RMDN2: variants seen among roughly 807,000 people sequenced by gnomAD.
The protein encoded by RMDN2 is regulator of microtubule dynamics 2.
A neutral mutation model predicts 52.8 loss-of-function variants in RMDN2; 61 were observed. The observed-to-expected ratio is 1.16, with a 90% CI of 0.94 to 1.43. RMDN2 has a LOEUF of 1.43. Among genes scored for constraint, RMDN2 ranks in the 40% most tolerant of loss-of-function variants. The probability of loss-of-function intolerance (pLI) is 0.00; values close to 1 mark genes in which losing one functional copy is unlikely to be tolerated. For synonymous variants in RMDN2, 180 were observed against 153.1 expected (o/e 1.18, Z -1.30); for missense variants, 592 against 475.3 (o/e 1.25, Z -2.28).
intron 10 of RMDN2, among the ~76,000 whole-genome samples, chr2:38,009,755 A>G (rs1677675027): frequency 6.6e-6 from 1 of 151,992 alleles, no homozygotes; most frequent in Admixed American, 6.6e-5. Flanking sequence ...GCTGGTGAGG[A>G]GCTGCATTCC....
Position 37,995,322 on chromosome 2 carries a change from GACTACTACT to G in RMDN2, c.946-2058_946-2050del, listed in dbSNP as rs3056282. ...ATATACCCCCTGAAGAAGAGGGGAT[GACTACTACT>G]ACTACTACTACTACTACTACTACTA... is the stretch of plus-strand genomic sequence containing the variant. On this transcript the variant is annotated intron_variant, in intron 7 of 10. Transcript: ENST00000354545. Among the ~76,000 whole-genome samples, 214 of 147,214 alleles carry G rather than the reference GACTACTACT, an allele frequency of 1.5e-3. 2 individuals are homozygous for G. The East Asian group carries it at 0.026, about 18-fold the overall frequency.
chr2:37,945,555 T>C (rs1200092624), intron 2 of RMDN2, among the ~76,000 whole-genome samples: 1 of 152,174 alleles, frequency 6.6e-6, no homozygotes, highest in Non-Finnish European at 1.5e-5. Flanking sequence ...TACAAGTCTC[T>C]AATGCCTAGT....
chr2:37,961,621 C>T (rs749085097), intron 2 of RMDN2, among the ~76,000 whole-genome samples: 29 of 152,020 alleles, frequency 1.9e-4, no homozygotes, highest in Non-Finnish European at 4.4e-5. Context: ...AGCTTCCTTG[C>T]ATTGGGTTAG....
chr2:38,018,124 C>T (rs949194330), downstream of RMDN2, among the ~76,000 whole-genome samples: 3 of 152,176 alleles, frequency 2.0e-5, no homozygotes, highest in African/African-American at 7.2e-5. Context: ...TCTTCACTTG[C>T]TTGGGGCCAC....
In RMDN2 at chr2:37,997,436, T is replaced by A; in HGVS notation, c.966T>A (p.Ile322=). 6.2e-7 allele frequency: 1 copy of A among 1,613,292 alleles called. No homozygotes were observed. Among genetic ancestry groups the A allele is most frequent in the Non-Finnish European group, 8.5e-7 (1 of 1,179,334 alleles). ...YCYTVSKLSW[I]EKKMAATLFG... is the part of the protein sequence containing the mutation. ...TGCAGGTCTCAAAACTGAGCTGGATTGAGAAAAAAATGGCTGCTACTCTGT... is the reference window on the plus strand; with the variant it reads ...TGCAGGTCTCAAAACTGAGCTGGATAGAGAAAAAAATGGCTGCTACTCTGT... Residue 322 remains isoleucine (I), a synonymous_variant, in exon 8 of 11, where the codon ATT becomes ATA. Coordinates refer to ENST00000354545, the MANE Select transcript of RMDN2 (RefSeq NM_001170791.3).
At chr2:37,961,974 C>T (rs1313781302) in intron 2 of RMDN2, among the ~76,000 whole-genome samples, 3 of 152,206 alleles carry the variant, frequency 2.0e-5, no homozygotes, top group African/African-American at 7.2e-5. Context: ...CTGGAGTTTG[C>T]TGGGAGTCCA....
At chr2:37,986,288 A>G (rs1038528068) in intron 5 of RMDN2, among the ~76,000 whole-genome samples, 1 of 152,202 alleles carries the variant, frequency 6.6e-6, no homozygotes, top group Non-Finnish European at 1.5e-5. Flanking sequence ...GCCTACTTCT[A>G]TTGAAAAAAT....
At chr2:37,965,047 C>T (rs897613788) in intron 2 of RMDN2, among the ~76,000 whole-genome samples, 1 of 152,050 alleles carries the variant, frequency 6.6e-6, no homozygotes, top group African/African-American at 2.4e-5. Context: ...TAGCCACTCC[C>T]ACTCTCTTTT....
intron 2 of RMDN2, among the ~76,000 whole-genome samples, chr2:37,943,884 C>G (rs928481929): frequency 1.3e-5 from 2 of 152,044 alleles, no homozygotes; most frequent in African/African-American, 2.4e-5. Context: ...CTCCCCATAT[C>G]TTTGCTCTGC....
At chr2:37,993,910 C>A (rs1675162706) in intron 7 of RMDN2, among the ~76,000 whole-genome samples, 1 of 152,176 alleles carries the variant, frequency 6.6e-6, no homozygotes, top group Non-Finnish European at 1.5e-5. Flanking sequence ...CCCAACCTCA[C>A]AAGTGTCTGG....
intron 2 of RMDN2, among the ~76,000 whole-genome samples, chr2:37,938,407 C>T: frequency 6.6e-6 from 1 of 152,196 alleles, no homozygotes; most frequent in East Asian, 1.9e-4. Flanking sequence ...ATGCTGGCCT[C>T]ATAAAATGAG....
chr2:37,967,254 AAGT>A (rs1671179335), intron 2 of RMDN2, among the ~76,000 whole-genome samples: 1 of 152,220 alleles, frequency 6.6e-6, no homozygotes, highest in Non-Finnish European at 1.5e-5. Context: ...TAAAAAATTA[AAGT>A]TAAACAAACT....
intron 8 of RMDN2, among the ~76,000 whole-genome samples, chr2:38,002,109 G>A (rs921519481): frequency 6.6e-6 from 1 of 152,048 alleles, no homozygotes; most frequent in East Asian, 1.9e-4. Flanking sequence ...CTTCTCTTTT[G>A]GATTCTGTAC....
chr2:37,997,520 T>C lies in RMDN2; in HGVS notation c.1044+6T>C. On this transcript the variant is annotated splice_donor_region_variant and intron_variant, in intron 8 of 10. Transcript: ENST00000354545. ...CTTTACACAATTTCCTTAAGGTACA[T>C]TTTGTGTATCCATTATTTTAGTGTC... The C allele has an allele frequency of 6.4e-7, 1 of 1,559,170 alleles. No individual in the cohort carries two copies. Among genetic ancestry groups the C allele is most frequent in the Non-Finnish European group, 8.8e-7 (1 of 1,130,288 alleles).
At chr2:37,991,144 T>C in intron 6 of RMDN2, 76 bp from the exon 7 acceptor site, 1 of 664,896 alleles carries the variant, frequency 1.5e-6, no homozygotes, top group Non-Finnish European at 2.5e-6. Flanking sequence ...ACTTTTGAGT[T>C]ACTAGGCTTT....
intron 3 of RMDN2, among the ~76,000 whole-genome samples, 173 bp downstream of exon 3, chr2:37,974,387 C>A (rs1572887360): frequency 6.6e-6 from 1 of 151,250 alleles, no homozygotes; most frequent in Non-Finnish European, 1.5e-5. Flanking sequence ...ATTTAAGATG[C>A]ATAAAATTTT....
At chr2:38,045,723 G>A (rs925734972) in intron 10 of RMDN2, among the ~76,000 whole-genome samples, 1 of 152,160 alleles carries the variant, frequency 6.6e-6, no homozygotes, top group African/African-American at 2.4e-5. Flanking sequence ...TTTGCCTGGA[G>A]CTGCTCCCAG....
intron 7 of RMDN2, among the ~76,000 whole-genome samples, chr2:37,995,366 C>T (rs1042106154): frequency 7.1e-6 from 1 of 141,690 alleles, no homozygotes; most frequent in Non-Finnish European, 1.5e-5. Flanking sequence ...ACTACTACTA[C>T]ACACACACAC....
At chr2:38,063,062 G>T (rs1055716647) in intron 10 of RMDN2, among the ~76,000 whole-genome samples, 1 of 152,128 alleles carries the variant, frequency 6.6e-6, no homozygotes, top group Non-Finnish European at 1.5e-5. Context: ...ATTGTGAATA[G>T]TGCCACTATA....
Sources: gnomAD v4.1 joint callset for allele counts (sites outside exome capture counted in the v4.1 genomes callset) on GRCh38, gnomAD v4.1.1 for gene constraint, MANE v1.5 for transcripts, NCBI Gene and HGNC (gene_info 2026-07-23, HGNC 2026-07-21) for gene names.